ASPH: variants seen among roughly 807,000 people sequenced by gnomAD.
ASPH encodes the protein aspartyl/asparaginyl beta-hydroxylase.
Under a neutral mutation model 118.4 loss-of-function variants are expected in ASPH, and 100 were observed. The observed-to-expected ratio is 0.84, with a 90% CI of 0.72 to 1.00. ASPH has a LOEUF of 1.00. ASPH is among the 50% of genes least tolerant of loss of function. The pLI, the probability that ASPH is intolerant of heterozygous loss-of-function variation, is 0.00. For synonymous variants in ASPH, 315 were observed against 325.6 expected (o/e 0.97, Z 0.35); for missense variants, 920 against 919.5 (o/e 1.00, Z -0.01).
At chr8:61,684,531 AAAATGTAGCC>A (rs1829625661) in intron 1 of ASPH, 1 of 177,512 alleles carries the variant, frequency 5.6e-6, no homozygotes, top group African/African-American at 2.4e-5. Flanking sequence ...AAATCACATA[AAAATGTAGCC>A]AAATCCTTTT....
intron 14 of ASPH, among the ~76,000 whole-genome samples, chr8:61,602,245 A>C (rs1276317776): frequency 1.3e-5 from 2 of 151,498 alleles, no homozygotes; most frequent in African/African-American, 4.9e-5. Flanking sequence ...AAGATATATA[A>C]GGAATAATGC....
chr8:61,654,462 C>G (rs574998578), intron 3 of ASPH, among the ~76,000 whole-genome samples: 2 of 152,282 alleles, frequency 1.3e-5, no homozygotes, highest in East Asian at 3.9e-4. Flanking sequence ...TTAAGAATCT[C>G]CTACCAAGAG....
chr8:61,625,474 G>C, intron 13 of ASPH: 1 of 985,292 alleles, frequency 1.0e-6, no homozygotes, highest in Non-Finnish European at 1.2e-6. Flanking sequence ...TTAAACAAAT[G>C]CTGAAGAGAC....
intron 3 of ASPH, chr8:61,661,027 T>A (rs1816624212): frequency 6.6e-6 from 1 of 152,230 alleles, no homozygotes; most frequent in Non-Finnish European, 1.5e-5. Flanking sequence ...ACTTTTTTTC[T>A]AGCCTTCATA....
chr8:61,602,503 A>T (rs1349763808), intron 14 of ASPH, among the ~76,000 whole-genome samples: 3 of 151,456 alleles, frequency 2.0e-5, no homozygotes, highest in Non-Finnish European at 2.9e-5. Context: ...CTAAACGGTA[A>T]CAGACTGAAT....
At chr8:61,661,362 C>T (rs1410436839) in intron 3 of ASPH, 1 of 152,178 alleles carries the variant, frequency 6.6e-6, no homozygotes, top group Non-Finnish European at 1.5e-5. Flanking sequence ...AATGCCCAAC[C>T]ATGTGCTGGC....
chr8:61,660,251 T>A (rs1390344738), intron 3 of ASPH: 1 of 152,076 alleles, frequency 6.6e-6, no homozygotes, highest in African/African-American at 2.4e-5. Flanking sequence ...AAATACCTAT[T>A]TTGGCCCATC....
intron 21 of ASPH, among the ~76,000 whole-genome samples, chr8:61,528,911 T>C (rs1410833262): frequency 6.6e-6 from 1 of 152,204 alleles, no homozygotes; most frequent in Admixed American, 6.5e-5. Flanking sequence ...TGCCCTAATA[T>C]GCCACCAGAC....
chr8:61,659,886 A>C (rs538133253), intron 3 of ASPH: 15 of 152,310 alleles, frequency 9.8e-5, no homozygotes, highest in African/African-American at 3.6e-4. Context: ...TTTATTATCA[A>C]GTCAACATTC....
At chr8:61,525,676 T>C (rs1815047089) in intron 22 of ASPH, among the ~76,000 whole-genome samples, 1 of 152,212 alleles carries the variant, frequency 6.6e-6, no homozygotes, top group African/African-American at 2.4e-5. Flanking sequence ...ACAGTAGGGT[T>C]ACAGTCAGTA....
chr8:61,549,647 C>T (rs4483150), intron 20 of ASPH, among the ~76,000 whole-genome samples: 141,045 of 152,184 alleles, frequency 0.93, 65,767 homozygotes, highest in East Asian at 1. Flanking sequence ...GCATATATCT[C>T]TGAAATTAAT....
At chr8:61,576,090 T>A (rs1333183973) in intron 16 of ASPH, among the ~76,000 whole-genome samples, 1 of 152,200 alleles carries the variant, frequency 6.6e-6, no homozygotes, top group Non-Finnish European at 1.5e-5. Flanking sequence ...GCCTCCTGTC[T>A]CTGTGAGCAT....
chr8:61,509,746 C>A (rs1808089034), intron 24 of ASPH, among the ~76,000 whole-genome samples: 1 of 152,102 alleles, frequency 6.6e-6, no homozygotes, highest in East Asian at 1.9e-4. Context: ...CTCCTTTCCC[C>A]TACCTCTCCA....
chr8:61,546,519 T>C (rs368984040), intron 21 of ASPH, among the ~76,000 whole-genome samples: 1 of 152,186 alleles, frequency 6.6e-6, no homozygotes, highest in South Asian at 2.1e-4. Flanking sequence ...AAGGAAGATG[T>C]TGTTCTTGTG....
In ASPH at chr8:61,662,132, T is replaced by C. The variant is rs535911333; in HGVS notation, c.323-8472A>G. Among the ~76,000 whole-genome samples, 7 of 152,242 alleles carry C rather than the reference T, an allele frequency of 4.6e-5. No individual in the cohort carries two copies. In the South Asian group the frequency reaches 1.5e-3, roughly 32 times the overall value. On this transcript the variant is annotated intron_variant, in intron 3 of 24. Transcript: ENST00000379454. ...CTAAATATTAAAGGATAGAAGATCATCCTGGAAAAATTGATTAGCACTCAA... is the reference window on the plus strand; with the variant it reads ...CTAAATATTAAAGGATAGAAGATCACCCTGGAAAAATTGATTAGCACTCAA...
intron 14 of ASPH, among the ~76,000 whole-genome samples, chr8:61,597,485 T>A (rs1347982666): frequency 6.6e-6 from 1 of 152,184 alleles, no homozygotes; most frequent in African/African-American, 2.4e-5. Context: ...ATAATAGCTT[T>A]CAAACTTCTC....
At chr8:61,675,852 C>T in intron 3 of ASPH, 2 of 1,348,018 alleles carry the variant, frequency 1.5e-6, no homozygotes, top group South Asian at 4.3e-5. Context: ...TTGTAGCTGA[C>T]TACAAGAATG....
At position 61,651,004 on chromosome 8, in the gene ASPH, G is replaced by C. The variant is rs1304008456; in HGVS notation, c.490+46C>G. On this transcript the variant is annotated intron_variant, in intron 5 of 24. Coordinates refer to ENST00000379454, the MANE Select transcript of ASPH (RefSeq NM_004318.4). Reference sequence around the variant, plus strand: ...TGTCCAAGTCATTTTACATAACTAAGCGTTATTTTAGTAACTCAAAACAAA... The same window carrying C: ...TGTCCAAGTCATTTTACATAACTAACCGTTATTTTAGTAACTCAAAACAAA... 7.9e-6 allele frequency: 12 copies of C among 1,514,666 alleles called. No individual in the cohort carries two copies. The East Asian group carries it at 2.5e-4, about 32-fold the overall frequency. 93.8% of individuals were successfully genotyped at this position (1,514,666 alleles called of 1,614,324 possible).
intron 20 of ASPH, among the ~76,000 whole-genome samples, chr8:61,550,741 G>T (rs1236412214): frequency 6.6e-6 from 1 of 152,166 alleles, no homozygotes; most frequent in Non-Finnish European, 1.5e-5. Flanking sequence ...TTGAGCATAG[G>T]GTGGCTTGAA....
Sources: gnomAD v4.1 joint callset for allele counts (sites outside exome capture counted in the v4.1 genomes callset) on GRCh38, gnomAD v4.1.1 for gene constraint, MANE v1.5 for transcripts, NCBI Gene and HGNC (gene_info 2026-07-23, HGNC 2026-07-21) for gene names.